The following PDE8B variants were observed in gnomAD, a reference collection of about 807,000 sequenced individuals.
The protein encoded by PDE8B is phosphodiesterase 8B.
Under a neutral mutation model 101.3 loss-of-function variants are expected in PDE8B, and 26 were observed. The ratio of observed to expected loss-of-function variants is 0.26; its 90% CI spans 0.19 to 0.36. PDE8B has a LOEUF of 0.36. Among genes scored for constraint, PDE8B ranks in the 10% least tolerant of loss-of-function variants. The pLI is 1.00. For synonymous variants in PDE8B, 424 were observed against 429.3 expected, an observed-to-expected ratio of 0.99 and a Z score of 0.15; for missense variants, 810 against 1,163.1, an observed-to-expected ratio of 0.70 and a Z score of 4.42.
At chr5:77,263,233 A>G (rs1760997853) in intron 1 of PDE8B, among the ~76,000 whole-genome samples, 1 of 152,220 alleles carries the variant, frequency 6.6e-6, no homozygotes, top group African/African-American at 2.4e-5. Flanking sequence ...ACATTTTTGT[A>G]AGAGAATAGG....
At chr5:77,323,882 C>G (rs990054656) in intron 2 of PDE8B, among the ~76,000 whole-genome samples, 2 of 152,108 alleles carry the variant, frequency 1.3e-5, no homozygotes, top group African/African-American at 2.4e-5. Context: ...TCACTTGAAC[C>G]TGGGAGGTGG....
At chr5:77,418,009 TG>T (rs1199990981) in intron 17 of PDE8B, among the ~76,000 whole-genome samples, 1 of 152,206 alleles carries the variant, frequency 6.6e-6, no homozygotes, top group Non-Finnish European at 1.5e-5. Flanking sequence ...AAGCGTCTGC[TG>T]TAACTGTGGC....
intron 21 of PDE8B, chr5:77,426,178 G>A (rs10038311): frequency 0.042 from 24,610 of 587,868 alleles, 923 homozygotes; most frequent in Admixed American, 0.14. Flanking sequence ...TTTTTCTGTC[G>A]TTGGAGGAAA....
chr5:77,382,841 T>G (rs931172118), intron 10 of PDE8B, among the ~76,000 whole-genome samples: 3 of 152,252 alleles, frequency 2.0e-5, no homozygotes, highest in African/African-American at 7.2e-5. Flanking sequence ...CTATCAGTGA[T>G]GGGCATTTGG....
At chr5:77,275,063 T>C (rs913311216) in intron 1 of PDE8B, among the ~76,000 whole-genome samples, 10 of 151,872 alleles carry the variant, frequency 6.6e-5, no homozygotes, top group African/African-American at 2.4e-4. Flanking sequence ...CCACATAGTA[T>C]CACACACACA....
intron 2 of PDE8B, among the ~76,000 whole-genome samples, chr5:77,318,733 T>C (rs749394050): frequency 5.9e-5 from 9 of 152,154 alleles, no homozygotes; most frequent in Non-Finnish European, 1.0e-4. Flanking sequence ...CCTGATCAAA[T>C]TGGCCACTTG....
chr5:77,308,447 GGT>G (rs1006673870), intron 1 of PDE8B, among the ~76,000 whole-genome samples: 18 of 152,250 alleles, frequency 1.2e-4, no homozygotes, highest in East Asian at 7.7e-4. Flanking sequence ...GAGAGGCAGG[GGT>G]TTGGAGAATG....
At chr5:77,103,393 TA>T in the PDE8B span, among the ~76,000 whole-genome samples, 1 of 152,238 alleles carries the variant, frequency 6.6e-6, no homozygotes, top group African/African-American at 2.4e-5. Flanking sequence ...CACGATGGGA[TA>T]TTTTTTTCCT....
chr5:77,197,583 T>C, the PDE8B span, among the ~76,000 whole-genome samples: 105,421 of 151,488 alleles, frequency 0.7, 37,508 homozygotes, highest in East Asian at 0.96. Context: ...TTTGGACCCA[T>C]TTTCTGTTCT....
At chr5:77,267,759 A>G (rs2149749758) in intron 1 of PDE8B, among the ~76,000 whole-genome samples, 1 of 152,350 alleles carries the variant, frequency 6.6e-6, no homozygotes, top group Admixed American at 6.5e-5. Flanking sequence ...GACAATGGGT[A>G]GTAATTAAGT....
intron 10 of PDE8B, among the ~76,000 whole-genome samples, chr5:77,387,223 T>C (rs961421257): frequency 8.5e-5 from 13 of 152,204 alleles, no homozygotes; most frequent in Non-Finnish European, 1.5e-4. Context: ...TTTCCATGTT[T>C]AGTGCTTCTT....
intron 1 of PDE8B, among the ~76,000 whole-genome samples, chr5:77,253,190 A>G (rs998931982): frequency 6.6e-6 from 1 of 152,222 alleles, no homozygotes; most frequent in Non-Finnish European, 1.5e-5. Flanking sequence ...GGTTCAAAGT[A>G]ATTATGAAGA....
chr5:77,171,810 T>G, the PDE8B span, among the ~76,000 whole-genome samples: 5 of 152,110 alleles, frequency 3.3e-5, no homozygotes, highest in Non-Finnish European at 7.4e-5. Context: ...CGCGGAGGGA[T>G]GGAGGTCCAG....
the PDE8B span, among the ~76,000 whole-genome samples, chr5:77,190,073 C>T: frequency 6.6e-6 from 1 of 152,198 alleles, no homozygotes; most frequent in East Asian, 1.9e-4. Flanking sequence ...TTACCATCAG[C>T]CCATTGGTCG....
intron 10 of PDE8B, among the ~76,000 whole-genome samples, chr5:77,369,203 C>CA (rs70988667): frequency 0.3 from 23,564 of 79,038 alleles, 3,958 homozygotes; most frequent in Middle Eastern, 0.45. Context: ...TCCACTGTCT[C>CA]AAAAAAAAAA....
At chr5:77,360,234 T>C (rs1782850445) in intron 10 of PDE8B, among the ~76,000 whole-genome samples, 1 of 148,858 alleles carries the variant, frequency 6.7e-6, no homozygotes, top group Non-Finnish European at 1.5e-5. Flanking sequence ...GAGTATTATG[T>C]TGGCGTTTGG....
chr5:77,419,805 T>C lies in PDE8B; in HGVS notation c.2168T>C (p.Met723Thr). 2 of 1,614,176 alleles carry C rather than the reference T, an allele frequency of 1.2e-6. No individual in the cohort carries two copies. The highest frequency in any genetic ancestry group is 1.7e-6 in the Non-Finnish European group (2 of 1,179,990). The change falls in exon 19 of 22, where the codon ATG (methionine) becomes ACG (threonine). Residue 723 changes from methionine (M) to threonine (T), a missense_variant. Met to Thr is a moderately conservative substitution (Grantham distance 81). Transcript: ENST00000264917. ...YRTLRQAIIDMVLATEMTKHF... is the reference protein window; with the variant it reads ...YRTLRQAIIDTVLATEMTKHF... ...ACGCTGCGCCAGGCTATTATTGACATGGTTTTGGCAACAGAGATGACAAAA... is the reference window on the plus strand; with the variant it reads ...ACGCTGCGCCAGGCTATTATTGACACGGTTTTGGCAACAGAGATGACAAAA...
chr5:77,406,684 C>T (rs1793527702), intron 12 of PDE8B, among the ~76,000 whole-genome samples: 1 of 152,260 alleles, frequency 6.6e-6, no homozygotes, highest in Admixed American at 6.5e-5. Flanking sequence ...ACTCCCCCTC[C>T]TGCCTGCCTC....
At chr5:77,324,714 A>T (rs1775734884) in intron 2 of PDE8B, among the ~76,000 whole-genome samples, 1 of 152,204 alleles carries the variant, frequency 6.6e-6, no homozygotes, top group Admixed American at 6.5e-5. Context: ...GAGTTCCCTT[A>T]CTTCCTTATG....
Sources: allele counts gnomAD v4.1 joint callset (sites outside exome capture counted in the v4.1 genomes callset), GRCh38; gene constraint gnomAD v4.1.1; transcripts MANE v1.5; gene names NCBI Gene and HGNC (gene_info 2026-07-23, HGNC 2026-07-21).